Variants in VPS37B observed in about 807,000 individuals in gnomAD.
VPS37B encodes the protein vacuolar protein sorting-associated protein 37B.
Under a neutral mutation model 21.2 loss-of-function variants are expected in VPS37B, and 11 were observed. The ratio of observed to expected loss-of-function variants is 0.52; its 90% CI spans 0.33 to 0.86. The LOEUF is 0.86. VPS37B is among the 40% of genes least tolerant of loss of function. The pLI, the probability that VPS37B is intolerant of heterozygous loss-of-function variation, is 0.03. For synonymous variants in VPS37B, 175 were observed against 159.6 expected (o/e 1.10, Z -0.73); for missense variants, 389 against 374.8 (o/e 1.04, Z -0.31).
At position 122,865,508 on chromosome 12, in the gene VPS37B, G is replaced by A. The variant is rs2033879960; in HGVS notation, c.*1608C>T. ...GCATCCCCGACAGCGGCCGGTGGCG[G>A]AGGTATGGGGGCGGGTGGCACCGCT... is the stretch of plus-strand genomic sequence containing the variant. On this transcript the variant is annotated 3_prime_UTR_variant, in exon 4 of 4. Coordinates refer to ENST00000267202, the MANE Select transcript of VPS37B (RefSeq NM_024667.3). 1 of 152,298 alleles carries A rather than the reference G, an allele frequency of 6.6e-6. No individual in the cohort carries two copies. Among genetic ancestry groups the A allele is most frequent in the Non-Finnish European group, 1.5e-5 (1 of 68,064 alleles). The allele number at this position is 152,298 out of a possible 1,614,324, so 9.4% of individuals were successfully genotyped here.
chr12:122,890,792 C>T (rs2034401211), intron 1 of VPS37B, among the ~76,000 whole-genome samples: 1 of 152,156 alleles, frequency 6.6e-6, no homozygotes, highest in Non-Finnish European at 1.5e-5. Context: ...CTTCATCTTC[C>T]CTAACAAACT....
At chr12:122,870,838 T>C in intron 2 of VPS37B, 52 bp downstream of exon 2, 2 of 1,555,502 alleles carry the variant, frequency 1.3e-6, no homozygotes, top group Non-Finnish European at 1.7e-6. Context: ...AGCTTGAAAA[T>C]GTGTCCTTCT....
At chr12:122,869,003 AGAG>A (rs1489089205) in intron 2 of VPS37B, among the ~76,000 whole-genome samples, 2 of 152,138 alleles carry the variant, frequency 1.3e-5, no homozygotes, top group African/African-American at 4.8e-5. Flanking sequence ...CCACCACCAC[AGAG>A]GAGGTCCGCC....
In VPS37B at chr12:122,867,445, G is replaced by A. The variant is rs368784895; in HGVS notation, c.529C>T (p.Pro177Ser). ...GGTGCCAGTTCGGGCAGCCTGGGGG[G>A]CAGCGGGGCCAGGGCCTGTGGGAGT... The part of the protein sequence containing the change: ...QRLPQALAPL[P>S]PRLPELAPTA... Residue 177 changes from proline (P) to serine (S), a missense_variant, in exon 4 of 4, where the codon CCC becomes TCC. Pro to Ser is a moderately conservative substitution (Grantham distance 74). Transcript: ENST00000267202. This position sits in a 1 kb window ranked among gnomAD's most constrained non-coding sequence, Gnocchi z 5.5. 3 of 1,609,136 alleles carry A rather than the reference G, an allele frequency of 1.9e-6. No homozygotes were observed. The highest frequency in any genetic ancestry group is 1.3e-5 in the African/African-American group (1 of 74,230).
intron 1 of VPS37B, among the ~76,000 whole-genome samples, chr12:122,894,470 G>T (rs997098449): frequency 3.7e-4 from 56 of 152,236 alleles, no homozygotes; most frequent in African/African-American, 1.3e-3. Flanking sequence ...CTCCATACAA[G>T]CTCTCTTTTA....
At chr12:122,882,240 G>A (rs2034256959) in intron 1 of VPS37B, 1 of 151,790 alleles carries the variant, frequency 6.6e-6, no homozygotes, top group Non-Finnish European at 1.5e-5. Flanking sequence ...TCATACCTGA[G>A]CAAACTCCAA....
intron 1 of VPS37B, among the ~76,000 whole-genome samples, chr12:122,895,288 A>G (rs1466167934): frequency 6.6e-6 from 1 of 151,530 alleles, no homozygotes; most frequent in Admixed American, 6.6e-5. Flanking sequence ...GGAACCCTCA[A>G]TCCTCTCCTA....
At position 122,868,460 on chromosome 12, in the gene VPS37B, C is replaced by A. The variant is rs139431512; in HGVS notation, c.366+20G>T. 1.2e-5 allele frequency: 20 copies of A among 1,610,042 alleles called. No homozygotes were observed. The African/African-American group carries it at 2.3e-4, about 18-fold the overall frequency. On this transcript the variant is annotated intron_variant, in intron 3 of 3. Coordinates refer to ENST00000267202, the MANE Select transcript of VPS37B (RefSeq NM_024667.3). This position sits in a 1 kb window ranked among gnomAD's most constrained non-coding sequence, Gnocchi z 5.5. ...TGCCCAAAGCGCCCCAAGGATTCCA[C>A]CAAGGCTGGTGGGCTTTACCTCAGT...
Position 122,868,432 on chromosome 12 carries a change from G to A in VPS37B, c.366+48C>T. ...GGTCCCTGGAGGCAGCGGGCCCACG[G>A]ACTGCCCAAAGCGCCCCAAGGATTC... is the stretch of plus-strand genomic sequence containing the variant. On this transcript the variant is annotated intron_variant, in intron 3 of 3. Transcript: ENST00000267202. This position sits in a 1 kb window ranked among gnomAD's most constrained non-coding sequence, Gnocchi z 5.5. 2.5e-6 allele frequency: 4 copies of A among 1,575,482 alleles called. No homozygotes were observed. The highest frequency in any genetic ancestry group is 3.5e-6 in the Non-Finnish European group (4 of 1,153,510).
intron 1 of VPS37B, chr12:122,884,125 T>A (rs763850970): frequency 2.0e-5 from 3 of 152,222 alleles, no homozygotes; most frequent in Admixed American, 2.0e-4. Context: ...TCAGAACCAG[T>A]TAGGTCCCTG....
chr12:122,870,799 C>A, intron 2 of VPS37B, 91 bp downstream of exon 2: 194 of 1,335,564 alleles, frequency 1.5e-4, no homozygotes, highest in Middle Eastern at 2.6e-4. Flanking sequence ...TGAAATTTTT[C>A]CGTAATATTT....
At chr12:122,894,471 C>T (rs1028617264) in intron 1 of VPS37B, among the ~76,000 whole-genome samples, 2 of 152,240 alleles carry the variant, frequency 1.3e-5, no homozygotes, top group Admixed American at 6.5e-5. Context: ...TCCATACAAG[C>T]TCTCTTTTAA....
chr12:122,894,835 G>A (rs1474787861), intron 1 of VPS37B, among the ~76,000 whole-genome samples: 1 of 152,172 alleles, frequency 6.6e-6, no homozygotes, highest in Non-Finnish European at 1.5e-5. Context: ...TCCAGGGGCT[G>A]GGCAAGGCTT....
At chr12:122,882,195 T>C (rs1385895365) in intron 1 of VPS37B, 3 of 152,184 alleles carry the variant, frequency 2.0e-5, no homozygotes, top group East Asian at 3.8e-4. Flanking sequence ...GGTTCTTTTT[T>C]TTTTCTTTTT....
In VPS37B at chr12:122,865,749, G is replaced by C. The variant is rs879583142; in HGVS notation, c.*1367C>G. 6.6e-6 allele frequency: 1 copy of C among 152,262 alleles called. No individual in the cohort carries two copies. The highest frequency in any genetic ancestry group is 6.5e-5 in the Admixed American group (1 of 15,296). The allele number at this position is 152,262 out of a possible 1,614,324, so 9.4% of individuals were successfully genotyped here. On this transcript the variant is annotated 3_prime_UTR_variant, in exon 4 of 4. Transcript: ENST00000267202. ...TCACCCTGGCGGCTAGGCACAGGTC[G>C]GGGCCCTGGATGCCCGACAAGTGAC...
At chr12:122,870,791 A>C in intron 2 of VPS37B, 99 bp downstream of exon 2, 1 of 1,371,528 alleles carries the variant, frequency 7.3e-7, no homozygotes, top group Non-Finnish European at 1.0e-6. Context: ...TCTTAACCTG[A>C]AATTTTTCCG....
rs1446287289 is a variant in VPS37B at position 122,867,168 on chromosome 12, T to G, written c.806A>C (p.Gln269Pro). ...FVSPYPPPLPQRPPPRLPPHQ... is the reference protein window; with the variant it reads ...FVSPYPPPLPPRPPPRLPPHQ... ...TGGAGGGAGCCGGGGCGGGGGTCTC[T>G]GAGGGAGAGGTGGCGGATATGGGGA... Residue 269 changes from glutamine (Q) to proline (P), a missense_variant, in exon 4 of 4, where the codon CAG (glutamine) becomes CCG (proline). By Grantham distance (76) the Gln-to-Pro change is moderately conservative. Transcript: ENST00000267202. The surrounding 1 kb of genome is among the most constrained non-coding windows in gnomAD (Gnocchi z 5.5). The G allele has an allele frequency of 2.6e-6, 4 of 1,557,844 alleles. No individual in the cohort carries two copies. Among genetic ancestry groups the G allele is most frequent in the Non-Finnish European group, 3.5e-6 (4 of 1,157,384 alleles).
At chr12:122,870,672 CTGAGCCATGG>C in intron 2 of VPS37B, 1 of 449,442 alleles carries the variant, frequency 2.2e-6, no homozygotes. Context: ...GGAGGTCGTG[CTGAGCCATGG>C]TTGCGCCACT....
In VPS37B at chr12:122,868,359, C is replaced by T. The variant is rs1451183609; in HGVS notation, c.366+121G>A. On this transcript the variant is annotated intron_variant, in intron 3 of 3. Transcript: ENST00000267202. The surrounding 1 kb of genome is among the most constrained non-coding windows in gnomAD (Gnocchi z 5.5). Reference sequence around the variant, plus strand: ...CCAGGCTGCCTGCTGGTATACAGCCCGTACACCTGGGAGGCACCACTCCTG... The same window carrying T: ...CCAGGCTGCCTGCTGGTATACAGCCTGTACACCTGGGAGGCACCACTCCTG... The T allele has an allele frequency of 1.4e-5, 12 of 883,584 alleles. No homozygotes were observed. The highest frequency in any genetic ancestry group is 5.0e-5 in the African/African-American group (3 of 60,260). The allele number at this position is 883,584 out of a possible 1,614,324, so 54.7% of individuals were successfully genotyped here.
Sources: gnomAD v4.1 joint callset for allele counts (sites outside exome capture counted in the v4.1 genomes callset) on GRCh38, gnomAD v4.1.1 for gene constraint, Gnocchi (gnomAD v3.1) non-coding constraint, MANE v1.5 for transcripts, NCBI Gene and HGNC (gene_info 2026-07-23, HGNC 2026-07-21) for gene names.